Variants in ZNF451 observed in about 807,000 individuals in gnomAD.
ZNF451 encodes the protein E3 SUMO-protein ligase ZNF451.
Under a neutral mutation model 107.1 loss-of-function variants are expected in ZNF451, and 80 were observed. That is an observed-to-expected ratio of 0.75 (90% CI 0.62 to 0.90). The LOEUF is 0.90. Among genes scored for constraint, ZNF451 ranks in the 40% least tolerant of loss-of-function variants. ZNF451 has a pLI of 0.00. For missense variants in ZNF451, 1,107 were observed against 1,236.2 expected (o/e 0.90, Z 1.57); for synonymous variants, 362 against 406.5 (o/e 0.89, Z 1.32).
At chr6:57,155,855 G>T in intron 13 of ZNF451, among the ~76,000 whole-genome samples, 1 of 134,196 alleles carries the variant, frequency 7.5e-6, no homozygotes, top group African/African-American at 2.8e-5. Context: ...CTCATACTCA[G>T]TACTCATTTG....
chr6:57,159,092 T>C (rs1763557065), intron 13 of ZNF451: 5 of 985,442 alleles, frequency 5.1e-6, no homozygotes, highest in Non-Finnish European at 6.0e-6. Context: ...GTTGTTTCTT[T>C]GGGCACCATT....
Position 57,134,852 on chromosome 6 carries a change from A to T in ZNF451, c.684A>T (p.Arg228Ser), listed in dbSNP as rs1421304462. The T allele has an allele frequency of 6.2e-7, 1 of 1,607,400 alleles. No homozygotes were observed. Among genetic ancestry groups the T allele is most frequent in the East Asian group, 2.2e-5 (1 of 44,784 alleles). ...YKKFVTQQQY[R>S]DHLFDKEATD... is the part of the protein sequence containing the mutation. ...AATTTGTTACTCAACAACAATATAG[A>T]GATCACCTTTTTGATAAGGTAAGAG... The change falls in exon 7 of 15, where the codon AGA becomes AGT. Residue 228 changes from arginine to serine, a missense_variant. By Grantham distance (110) the Arg-to-Ser change is moderately radical. Coordinates refer to ENST00000370706, the MANE Select transcript of ZNF451 (RefSeq NM_001031623.3).
Position 57,152,228 on chromosome 6 carries a change from C to T in ZNF451, c.2760C>T (p.Asn920=), listed in dbSNP as rs1415481778. Residue 920 remains asparagine, a synonymous_variant, in exon 12 of 15, where the codon AAC becomes AAT. Transcript: ENST00000370706. ...CTTTTCTAAAATTAATAGGAGGAAA[C>T]ACCAATTGGAAGCCTCCGCTCAACT... The part of the protein sequence containing the change: ...GTFIWGFQGG[N]TNWKPPLNCK... 1.2e-6 allele frequency: 2 copies of T among 1,609,206 alleles called. No homozygotes were observed. Among genetic ancestry groups the T allele is most frequent in the Admixed American group, 3.4e-5 (2 of 59,328 alleles).
At chr6:57,129,058 C>T (rs1831061465) in intron 5 of ZNF451, among the ~76,000 whole-genome samples, 1 of 151,986 alleles carries the variant, frequency 6.6e-6, no homozygotes, top group African/African-American at 2.4e-5. Context: ...CAATATAGGT[C>T]GTACCTGAGC....
At chr6:57,162,420 T>G (rs889246990) in intron 14 of ZNF451, among the ~76,000 whole-genome samples, 3 of 152,236 alleles carry the variant, frequency 2.0e-5, no homozygotes, top group Non-Finnish European at 4.4e-5. Flanking sequence ...TTCTGCCTTA[T>G]AGCCAAATTT....
chr6:57,097,014 C>G (rs1157265391), intron 2 of ZNF451, among the ~76,000 whole-genome samples: 1 of 151,940 alleles, frequency 6.6e-6, no homozygotes, highest in Non-Finnish European at 1.5e-5. Flanking sequence ...AAGTCATCTA[C>G]CCACCTCTGC....
At chr6:57,093,339 T>C (rs1829138637) in intron 2 of ZNF451, among the ~76,000 whole-genome samples, 3 of 152,332 alleles carry the variant, frequency 2.0e-5, no homozygotes, top group Middle Eastern at 3.4e-3. Flanking sequence ...ATTTCCTAAA[T>C]AGCTTCAGTA....
At chr6:57,158,493 T>G in intron 13 of ZNF451, 1 of 985,232 alleles carries the variant, frequency 1.0e-6, no homozygotes, top group Non-Finnish European at 1.2e-6. Flanking sequence ...TGTCTCATAA[T>G]TAAATGAATA....
intron 10 of ZNF451, among the ~76,000 whole-genome samples, chr6:57,149,867 G>GA (rs1832263544): frequency 6.6e-6 from 1 of 152,002 alleles, no homozygotes; most frequent in East Asian, 1.9e-4. Context: ...GTGTTTGATA[G>GA]AAAATGCAAT....
At chr6:57,147,052 C>G in intron 9 of ZNF451, 38 bp from the exon 10 acceptor site, 1 of 1,525,436 alleles carries the variant, frequency 6.6e-7, no homozygotes. Flanking sequence ...TTAGAAAATA[C>G]TTCTGAAAGA....
chr6:57,138,233 T>G (rs1345107826), intron 7 of ZNF451, among the ~76,000 whole-genome samples: 2 of 151,852 alleles, frequency 1.3e-5, no homozygotes, highest in Non-Finnish European at 2.9e-5. Context: ...TTTTAGCCAG[T>G]CTAGTGGGTG....
chr6:57,147,818 T>C lies in ZNF451; in HGVS notation c.1733T>C (p.Leu578Ser). 6.2e-7 allele frequency: 1 copy of C among 1,614,090 alleles called. No homozygotes were observed. The highest frequency in any genetic ancestry group is 8.5e-7 in the Non-Finnish European group (1 of 1,179,988). The change falls in exon 10 of 15, where the codon TTG becomes TCG. Residue 578 changes from leucine (L) to serine (S), a missense_variant. Leu to Ser is a moderately radical substitution (Grantham distance 145, BLOSUM62 -2). Coordinates refer to ENST00000370706, the MANE Select transcript of ZNF451 (RefSeq NM_001031623.3). ...ACTTTGCCATCATCCTCTACAACATTGGATAATTTGACTGCTAACAAGCCT... is the reference window on the plus strand; with the variant it reads ...ACTTTGCCATCATCCTCTACAACATCGGATAATTTGACTGCTAACAAGCCT... ...GETLPSSSTTLDNLTANKPSS... is the reference protein window; with the variant it reads ...GETLPSSSTTSDNLTANKPSS...
At chr6:57,096,464 G>A (rs529144287) in intron 2 of ZNF451, among the ~76,000 whole-genome samples, 27 of 151,870 alleles carry the variant, frequency 1.8e-4, no homozygotes, top group Middle Eastern at 3.4e-3. Context: ...GGGATTACAG[G>A]CATGAGCCAC....
At chr6:57,129,986 T>A (rs1420854918) in intron 5 of ZNF451, among the ~76,000 whole-genome samples, 1 of 152,198 alleles carries the variant, frequency 6.6e-6, no homozygotes, top group Non-Finnish European at 1.5e-5. Flanking sequence ...CAATACTTTA[T>A]TCATTTCACT....
chr6:57,111,644 G>C (rs1013539219), intron 3 of ZNF451, among the ~76,000 whole-genome samples: 28 of 152,120 alleles, frequency 1.8e-4, no homozygotes, highest in Admixed American at 1.8e-3. Context: ...GCCTCCCAAA[G>C]TGCTGGGATT....
intron 3 of ZNF451, among the ~76,000 whole-genome samples, chr6:57,118,046 C>T: frequency 6.6e-6 from 1 of 152,250 alleles, no homozygotes; most frequent in Non-Finnish European, 1.5e-5. Context: ...GCATAAGTGA[C>T]TTAATGTTTG....
Position 57,148,445 on chromosome 6 carries a change from A to C in ZNF451, c.2360A>C (p.Tyr787Ser). The C allele has an allele frequency of 1.2e-6, 2 of 1,614,060 alleles. No individual in the cohort carries two copies. The highest frequency in any genetic ancestry group is 1.7e-6 in the Non-Finnish European group (2 of 1,179,964). Residue 787 changes from tyrosine to serine, a missense_variant, in exon 10 of 15, where the codon TAT becomes TCT. By Grantham distance (144) the Tyr-to-Ser change is moderately radical (BLOSUM62 -2). Transcript: ENST00000370706. ...AAGAGTGATGAGGAGGAGCAGCAGT[A>C]TGTAATCAAGTGTGGCACCTGCACC... is the stretch of plus-strand genomic sequence containing the variant. Reference protein sequence around the residue: ...KEKSDEEEQQYVIKCGTCTKA... With the variant: ...KEKSDEEEQQSVIKCGTCTKA...
intron 13 of ZNF451, chr6:57,159,506 T>C: frequency 2.0e-6 from 1 of 488,624 alleles, no homozygotes; most frequent in Non-Finnish European, 2.7e-6. Flanking sequence ...TTTGTAAACT[T>C]TCTTAAAACA....
At chr6:57,111,664 A>G (rs751971926) in intron 3 of ZNF451, among the ~76,000 whole-genome samples, 1 of 152,158 alleles carries the variant, frequency 6.6e-6, no homozygotes, top group Non-Finnish European at 1.5e-5. Flanking sequence ...TGTGGTTGTG[A>G]GCCACCACGC....
Sources: gnomAD v4.1 joint callset for allele counts (sites outside exome capture counted in the v4.1 genomes callset) on GRCh38, gnomAD v4.1.1 for gene constraint, MANE v1.5 for transcripts, NCBI Gene and HGNC (gene_info 2026-07-23, HGNC 2026-07-21) for gene names.